PDLIM1: variants seen among roughly 807,000 people sequenced by gnomAD.
PDLIM1 encodes PDZ and LIM domain 1.
PDLIM1 carries 25 observed loss-of-function variants against 35.2 expected under a neutral mutation model. That is an observed-to-expected ratio of 0.71 (90% CI 0.52 to 0.99). The LOEUF (loss-of-function observed/expected upper bound fraction) is 0.99, where lower values mean the gene tolerates loss of function less well. Ranked by LOEUF, PDLIM1 falls within the 50% of genes least tolerant of loss-of-function variation. The probability of loss-of-function intolerance (pLI) is 0.00; values close to 1 mark genes in which losing one functional copy is unlikely to be tolerated. For missense variants in PDLIM1, 363 were observed against 415.3 expected (o/e 0.87, Z 1.09); for synonymous variants, 152 against 154.0 (o/e 0.99, Z 0.10).
intron 1 of PDLIM1, among the ~76,000 whole-genome samples, chr10:95,284,157 T>C (rs767878799): frequency 6.6e-6 from 1 of 152,216 alleles, no homozygotes; most frequent in Non-Finnish European, 1.5e-5. Flanking sequence ...CTATTATGAA[T>C]AGTGTTGCTT....
Position 95,237,980 on chromosome 10 carries a change from CG to C in PDLIM1, c.934del (p.Arg312GlyfsTer61), listed in dbSNP as rs765506392. ...ACCCTCAGGTGGTGTGACTCGCTCC[CG>C]GGCATGCTTCTCACAGTAGATTTGA... ...EDQIYCEKHA[R>X]ERVTPPEGYE... On this transcript the variant is annotated frameshift_variant, in exon 7 of 7. Transcript: ENST00000329399. LOFTEE classifies it high-confidence loss of function. 6.2e-7 allele frequency: 1 copy of C among 1,614,050 alleles called. No individual in the cohort carries two copies. The highest frequency in any genetic ancestry group is 8.5e-7 in the Non-Finnish European group (1 of 1,180,030).
intron 1 of PDLIM1, among the ~76,000 whole-genome samples, chr10:95,281,680 T>TG (rs2035562903): frequency 6.6e-6 from 1 of 152,064 alleles, no homozygotes; most frequent in Non-Finnish European, 1.5e-5. Flanking sequence ...TAAATAGAGA[T>TG]GGGGTCTCAC....
At chr10:95,264,767 T>G (rs1258128167) in intron 3 of PDLIM1, among the ~76,000 whole-genome samples, 2 of 152,178 alleles carry the variant, frequency 1.3e-5, no homozygotes, top group Non-Finnish European at 2.9e-5. Flanking sequence ...TTTCTGTAAT[T>G]TGAGAAAGTT....
intron 4 of PDLIM1, among the ~76,000 whole-genome samples, chr10:95,263,011 G>A (rs1243497726): frequency 3.9e-5 from 6 of 152,084 alleles, no homozygotes; most frequent in Admixed American, 3.9e-4. Flanking sequence ...CAAGTGTGGT[G>A]GCACACACCT....
At chr10:95,285,244 G>T (rs1390036125) in intron 1 of PDLIM1, among the ~76,000 whole-genome samples, 1 of 152,130 alleles carries the variant, frequency 6.6e-6, no homozygotes, top group Non-Finnish European at 1.5e-5. Flanking sequence ...AGGGAAGGGA[G>T]GTGCTGCTTT....
chr10:95,289,462 C>T (rs527748656), intron 1 of PDLIM1, among the ~76,000 whole-genome samples: 41 of 152,194 alleles, frequency 2.7e-4, no homozygotes, highest in African/African-American at 9.2e-4. Context: ...AAGATAAGGC[C>T]CAAAAACTGG....
chr10:95,246,933 T>A (rs1305147903), intron 5 of PDLIM1, among the ~76,000 whole-genome samples: 1 of 152,090 alleles, frequency 6.6e-6, no homozygotes, highest in Non-Finnish European at 1.5e-5. Context: ...CCCACAGCAG[T>A]CAGGCTCACC....
At position 95,290,669 on chromosome 10, in the gene PDLIM1, C is replaced by T. The variant is rs2035645406; in HGVS notation, c.96+151G>A. The T allele has an allele frequency of 1.2e-5, 5 of 401,648 alleles. No individual in the cohort carries two copies. The South Asian group carries it at 4.9e-4, about 39-fold the overall frequency. 24.9% of individuals were successfully genotyped at this position (401,648 alleles called of 1,614,324 possible). A position where few individuals can be genotyped will look rare whatever the true frequency, so the allele number is the denominator to read the frequency against. ...AAGGGGCGGCGGGGAGCGGCGGGGC[C>T]CGGGCGCGCGGAGAGCGCTCAACTA... On this transcript the variant is annotated intron_variant, in intron 1 of 6. Transcript: ENST00000329399. This position sits in a 1 kb window ranked among gnomAD's most constrained non-coding sequence, Gnocchi z 4.7.
intron 6 of PDLIM1, 22 bp from the exon 7 acceptor site, chr10:95,238,133 G>A: frequency 1.9e-6 from 3 of 1,605,824 alleles, no homozygotes; most frequent in East Asian, 4.5e-5. Context: ...AGGGAGGGAA[G>A]GGACTCCATC....
At chr10:95,289,504 G>A (rs927629418) in intron 1 of PDLIM1, among the ~76,000 whole-genome samples, 3 of 152,186 alleles carry the variant, frequency 2.0e-5, no homozygotes, top group African/African-American at 7.2e-5. Context: ...GTGAGATAGA[G>A]AAGACCTCCT....
chr10:95,253,791 C>T (rs1446674650), intron 4 of PDLIM1, among the ~76,000 whole-genome samples: 1 of 151,998 alleles, frequency 6.6e-6, no homozygotes, highest in African/African-American at 2.4e-5. Context: ...AAAATTATAA[C>T]ACTGTCTGAT....
intron 1 of PDLIM1, among the ~76,000 whole-genome samples, chr10:95,282,949 C>T (rs958769699): frequency 2.0e-5 from 3 of 152,090 alleles, no homozygotes; most frequent in Admixed American, 1.3e-4. Context: ...GTCAAGAAGT[C>T]GTCGAGTTCC....
intron 4 of PDLIM1, among the ~76,000 whole-genome samples, chr10:95,254,402 G>A (rs2035293235): frequency 1.3e-5 from 2 of 152,106 alleles, no homozygotes; most frequent in South Asian, 2.1e-4. Flanking sequence ...AGATGGAAAT[G>A]GACATTATAT....
intron 2 of PDLIM1, among the ~76,000 whole-genome samples, chr10:95,269,590 G>T: frequency 6.9e-6 from 1 of 145,298 alleles, no homozygotes; most frequent in Non-Finnish European, 1.5e-5. Context: ...AAAAAAAAGA[G>T]AAGAACGCCC....
chr10:95,269,617 A>C (rs1178666762), intron 2 of PDLIM1, among the ~76,000 whole-genome samples: 1 of 151,432 alleles, frequency 6.6e-6, no homozygotes, highest in African/African-American at 2.4e-5. Flanking sequence ...TGCTCTTATA[A>C]ACTATTTTCT....
chr10:95,268,714 G>A, intron 3 of PDLIM1, 64 bp downstream of exon 3: 1 of 990,094 alleles, frequency 1.0e-6, no homozygotes, highest in Non-Finnish European at 1.6e-6. Flanking sequence ...AATGTGCTGA[G>A]CAGTGTCAGA....
At chr10:95,248,830 C>T (rs2035244336) in intron 4 of PDLIM1, among the ~76,000 whole-genome samples, 1 of 152,210 alleles carries the variant, frequency 6.6e-6, no homozygotes, top group African/African-American at 2.4e-5. Context: ...TATGCACTTA[C>T]TGCACCCTCA....
chr10:95,262,609 C>T (rs1443879004), intron 4 of PDLIM1, among the ~76,000 whole-genome samples: 1 of 144,100 alleles, frequency 6.9e-6, no homozygotes, highest in African/African-American at 2.6e-5. Flanking sequence ...CCCCACCCAG[C>T]ACCCTTGTTT....
intron 1 of PDLIM1, among the ~76,000 whole-genome samples, chr10:95,279,832 G>A (rs2133439779): frequency 6.6e-6 from 1 of 152,252 alleles, no homozygotes; most frequent in Non-Finnish European, 1.5e-5. Context: ...GGTGGGCAAA[G>A]AAAGAAAAGA....
Sources: allele counts gnomAD v4.1 joint callset (sites outside exome capture counted in the v4.1 genomes callset), GRCh38; gene constraint gnomAD v4.1.1; non-coding constraint Gnocchi (gnomAD v3.1); transcripts MANE v1.5; gene names NCBI Gene and HGNC (gene_info 2026-07-23, HGNC 2026-07-21).